The following BMERB1 variants were observed in gnomAD, a reference collection of about 807,000 sequenced individuals.
The protein encoded by BMERB1 is bMERB domain containing 1.
In BMERB1, 12 loss-of-function variants were observed where a neutral mutation model predicts 23.6. The observed-to-expected ratio is 0.51, with a 90% confidence interval of 0.33 to 0.82. The LOEUF (loss-of-function observed/expected upper bound fraction) is 0.82. Ranked by LOEUF, BMERB1 falls within the 40% of genes least tolerant of loss-of-function variation. The pLI is 0.03. For missense variants in BMERB1, 247 were observed against 255.4 expected, an observed-to-expected ratio of 0.97 and a Z score of 0.22; for synonymous variants, 122 against 96.6, an observed-to-expected ratio of 1.26 and a Z score of -1.54.
chr16:15,529,626 G>A (rs571053423), intron 2 of BMERB1, among the ~76,000 whole-genome samples: 1 of 152,132 alleles, frequency 6.6e-6, no homozygotes, highest in African/African-American at 2.4e-5. Flanking sequence ...AATGTTGACG[G>A]TACCCAGCAC....
At chr16:15,530,121 G>A (rs997948653) in intron 2 of BMERB1, among the ~76,000 whole-genome samples, 2 of 152,144 alleles carry the variant, frequency 1.3e-5, no homozygotes, top group Non-Finnish European at 1.5e-5. Context: ...AGTCCCTCTC[G>A]ATTGAGGTCA....
intron 1 of BMERB1, chr16:15,447,926 G>A (rs1254951304): frequency 4.4e-6 from 2 of 455,792 alleles, no homozygotes; most frequent in Admixed American, 2.4e-5. Flanking sequence ...TCTTGCTGTT[G>A]TCTCCCAGGC....
At chr16:15,518,656 C>T (rs2051807387) in intron 2 of BMERB1, among the ~76,000 whole-genome samples, 3 of 152,108 alleles carry the variant, frequency 2.0e-5, no homozygotes, top group Non-Finnish European at 4.4e-5. Context: ...GTGAGTGTGT[C>T]CTGTTCTTAT....
In BMERB1 at chr16:15,578,729, G is replaced by T. The variant is rs181139280; in HGVS notation, c.305-2488G>T. Reference sequence around the variant, plus strand: ...TCACTGTGCCTTTGTGTGGTGGAAGGGGCAAACAAGCTCCCTTGGGTCTCT... The same window carrying T: ...TCACTGTGCCTTTGTGTGGTGGAAGTGGCAAACAAGCTCCCTTGGGTCTCT... On this transcript the variant is annotated intron_variant, in intron 3 of 5. Transcript: ENST00000300006. Among the ~76,000 whole-genome samples the T allele has an allele frequency of 2.1e-3, 312 of 152,180 alleles. 4 individuals are homozygous for T. The highest frequency in any genetic ancestry group is 7.2e-3 in the African/African-American group (299 of 41,520).
intron 1 of BMERB1, among the ~76,000 whole-genome samples, chr16:15,462,665 A>G (rs980628574): frequency 5.3e-5 from 8 of 152,142 alleles, no homozygotes; most frequent in African/African-American, 1.9e-4. Context: ...ATTGGCCCCA[A>G]CAGAGCGTTC....
chr16:15,439,389 G>T (rs2050918451), intron 1 of BMERB1, among the ~76,000 whole-genome samples: 1 of 152,168 alleles, frequency 6.6e-6, no homozygotes, highest in African/African-American at 2.4e-5. Context: ...TTAGCACAGG[G>T]CCTCACATGC....
At chr16:15,541,948 G>A (rs1315451192) in intron 2 of BMERB1, among the ~76,000 whole-genome samples, 1 of 138,734 alleles carries the variant, frequency 7.2e-6, no homozygotes, top group African/African-American at 2.7e-5. Flanking sequence ...GTCTTGCTAT[G>A]TTGTGCAGGC....
intron 1 of BMERB1, among the ~76,000 whole-genome samples, chr16:15,455,488 T>C (rs2051078707): frequency 6.6e-6 from 1 of 151,790 alleles, no homozygotes; most frequent in African/African-American, 2.4e-5. Context: ...TGAGATGGAG[T>C]CTCGCTCTGT....
In BMERB1 at chr16:15,442,969, C is replaced by T. The variant is rs144351197; in HGVS notation, c.106+8210C>T. Among the ~76,000 whole-genome samples the T allele has an allele frequency of 5.9e-5, 9 of 152,160 alleles. No individual in the cohort carries two copies. In the East Asian group the frequency reaches 9.6e-4, roughly 16 times the overall value. On this transcript the variant is annotated intron_variant, in intron 1 of 5. Coordinates refer to ENST00000300006, the MANE Select transcript of BMERB1 (RefSeq NM_033201.3). Reference sequence around the variant, plus strand: ...ACAGCCATAAAGAACACCACAGGGCCGGGCGTGGTTGCTCACACTTGTAAT... The same window carrying T: ...ACAGCCATAAAGAACACCACAGGGCTGGGCGTGGTTGCTCACACTTGTAAT...
intron 1 of BMERB1, among the ~76,000 whole-genome samples, chr16:15,453,006 C>T (rs2051054975): frequency 6.6e-6 from 1 of 151,968 alleles, no homozygotes; most frequent in Non-Finnish European, 1.5e-5. Context: ...ATAAAAATAA[C>T]AACAACAACA....
chr16:15,584,274 G>T (rs1473540936), intron 5 of BMERB1: 3 of 472,378 alleles, frequency 6.4e-6, no homozygotes, highest in Admixed American at 3.7e-5. Flanking sequence ...AGAAATGGAT[G>T]CCTGGCTGGG....
intron 2 of BMERB1, among the ~76,000 whole-genome samples, chr16:15,549,093 C>T (rs1215563703): frequency 2.6e-5 from 4 of 152,056 alleles, no homozygotes; most frequent in African/African-American, 9.7e-5. Context: ...AATCCCAGCA[C>T]TTAGGGAGGC....
intron 2 of BMERB1, among the ~76,000 whole-genome samples, chr16:15,517,956 G>A (rs564605602): frequency 8.2e-5 from 12 of 146,116 alleles, no homozygotes; most frequent in Non-Finnish European, 1.4e-4. Context: ...TGTGTGTGTG[G>A]ATGTGGGTGT....
chr16:15,468,272 A>G (rs1315688252), intron 1 of BMERB1, among the ~76,000 whole-genome samples: 1 of 150,084 alleles, frequency 6.7e-6, no homozygotes, highest in Non-Finnish European at 1.5e-5. Context: ...CAACCTTCCA[A>G]GTAACTGGGA....
chr16:15,510,437 A>T (rs1438835508), intron 1 of BMERB1, among the ~76,000 whole-genome samples: 3 of 152,178 alleles, frequency 2.0e-5, no homozygotes, highest in Admixed American at 6.5e-5. Flanking sequence ...AAAAGAGGTG[A>T]TGGGCAGAGC....
chr16:15,586,614 G>T (rs934015447), intron 5 of BMERB1, 103 bp from the exon 6 acceptor site: 3 of 890,644 alleles, frequency 3.4e-6, no homozygotes, highest in Non-Finnish European at 3.7e-6. Flanking sequence ...CCTGGCCAGG[G>T]GTTGCAGTGG....
intron 1 of BMERB1, among the ~76,000 whole-genome samples, chr16:15,473,758 A>T (rs1455585476): frequency 2.0e-5 from 3 of 152,052 alleles, no homozygotes; most frequent in Non-Finnish European, 4.4e-5. Flanking sequence ...ATATTGAGTC[A>T]CTTCCTTCTA....
chr16:15,564,312 G>C (rs1054063110), intron 2 of BMERB1, among the ~76,000 whole-genome samples: 11 of 152,074 alleles, frequency 7.2e-5, no homozygotes, highest in African/African-American at 2.7e-4. Context: ...TTGTGTGTGT[G>C]TATCTATAAA....
intron 2 of BMERB1, among the ~76,000 whole-genome samples, chr16:15,555,702 A>G (rs1156767321): frequency 6.6e-6 from 1 of 152,144 alleles, no homozygotes; most frequent in Non-Finnish European, 1.5e-5. Context: ...GTACACTGGC[A>G]GGCACCTCTC....
Sources: allele counts gnomAD v4.1 joint callset (sites outside exome capture counted in the v4.1 genomes callset), GRCh38; gene constraint gnomAD v4.1.1; transcripts MANE v1.5; gene names NCBI Gene and HGNC (gene_info 2026-07-23, HGNC 2026-07-21).